Variants in TMEM181 observed in about 807,000 individuals in gnomAD.
TMEM181 encodes transmembrane protein 181, also known as G protein-coupled receptor 178.
Under a neutral mutation model 71.9 loss-of-function variants are expected in TMEM181, and 39 were observed. That is an observed-to-expected ratio of 0.54 (90% CI 0.42 to 0.71). TMEM181 has a LOEUF of 0.71. Ranked by LOEUF, TMEM181 falls within the 30% of genes least tolerant of loss-of-function variation. The pLI, the probability that TMEM181 is intolerant of heterozygous loss-of-function variation, is 0.00. For synonymous variants in TMEM181, 245 were observed against 228.8 expected, an observed-to-expected ratio of 1.07 and a Z score of -0.64; for missense variants, 595 against 583.0, an observed-to-expected ratio of 1.02 and a Z score of -0.21.
chr6:158,613,451 A>G (rs1388089557), intron 10 of TMEM181, among the ~76,000 whole-genome samples: 3 of 152,238 alleles, frequency 2.0e-5, no homozygotes, highest in Admixed American at 1.3e-4. Context: ...AAACCCAGCC[A>G]TGGATTTGTA....
At chr6:158,601,876 C>A (rs1430434289) in intron 6 of TMEM181, among the ~76,000 whole-genome samples, 1 of 152,106 alleles carries the variant, frequency 6.6e-6, no homozygotes, top group Non-Finnish European at 1.5e-5. Context: ...ATTTGCCCAA[C>A]TATTAATGGC....
intron 3 of TMEM181, 99 bp from the exon 4 acceptor site, chr6:158,583,855 C>T (rs897998584): frequency 6.4e-6 from 5 of 776,342 alleles, no homozygotes; most frequent in African/African-American, 3.5e-5. Context: ...AACACTGAAG[C>T]CTTTATTGCT....
At chr6:158,571,538 TC>T (rs1392492699) in intron 1 of TMEM181, among the ~76,000 whole-genome samples, 1 of 150,390 alleles carries the variant, frequency 6.6e-6, no homozygotes, top group Non-Finnish European at 1.5e-5. Flanking sequence ...GACCTCGTGA[TC>T]CGCCCGCCTT....
Position 158,608,621 on chromosome 6 carries a change from TTTTC to T in TMEM181, c.805-34_805-31del, listed in dbSNP as rs753853960. 7 of 1,598,878 alleles carry T rather than the reference TTTTC, an allele frequency of 4.4e-6. No individual in the cohort carries two copies. The African/African-American group carries it at 5.4e-5, about 12-fold the overall frequency. ...ACGTTATGTACAATTACCAATTTGGTTTTCTTTATTTCTTACTTCTTATTTTTTT... is the reference window on the plus strand; with the variant it reads ...ACGTTATGTACAATTACCAATTTGGTTTTATTTCTTACTTCTTATTTTTTT... On this transcript the variant is annotated intron_variant, in intron 9 of 16. Coordinates refer to ENST00000684151, the MANE Select transcript of TMEM181 (RefSeq NM_001376852.1).
chr6:158,588,000 C>T (rs946612581), intron 5 of TMEM181, among the ~76,000 whole-genome samples: 9 of 152,182 alleles, frequency 5.9e-5, no homozygotes, highest in African/African-American at 9.7e-5. Context: ...TCCTGTGACC[C>T]GACTGCCAGA....
chr6:158,587,694 C>G (rs1554307568), intron 5 of TMEM181, among the ~76,000 whole-genome samples: 1 of 151,578 alleles, frequency 6.6e-6, no homozygotes, highest in Non-Finnish European at 1.5e-5. Context: ...CAAGGCTTTC[C>G]ACGCCTTGCA....
chr6:158,600,767 G>A (rs920266553), intron 6 of TMEM181, among the ~76,000 whole-genome samples: 1 of 152,052 alleles, frequency 6.6e-6, no homozygotes, highest in Non-Finnish European at 1.5e-5. Context: ...CACCGCACCC[G>A]GCCCTAGTGG....
At chr6:158,622,273 C>G (rs1485855865) in intron 10 of TMEM181, among the ~76,000 whole-genome samples, 2 of 152,130 alleles carry the variant, frequency 1.3e-5, no homozygotes, top group Non-Finnish European at 2.9e-5. Flanking sequence ...GACGTGCTCT[C>G]TCTTTTTCAA....
chr6:158,580,687 A>G (rs1456512226), intron 2 of TMEM181, among the ~76,000 whole-genome samples: 1 of 150,670 alleles, frequency 6.6e-6, no homozygotes. Context: ...TCCTGTGGAA[A>G]CCCTCTGTGT....
Position 158,587,850 on chromosome 6 carries a change from T to C in TMEM181, c.382-1822T>C, listed in dbSNP as rs571608832. On this transcript the variant is annotated intron_variant, in intron 5 of 16. Transcript: ENST00000684151. ...TATGCAGCCTGAGATACAGCTCTTT[T>C]GTTAATTAAAACATCCCTGAAAAGT... Among the ~76,000 whole-genome samples the C allele has an allele frequency of 3.9e-5, 6 of 152,320 alleles. No homozygotes were observed. In the South Asian group the frequency reaches 1.2e-3, roughly 32 times the overall value.
intron 1 of TMEM181, among the ~76,000 whole-genome samples, chr6:158,546,490 A>G (rs1781530098): frequency 6.6e-6 from 1 of 152,222 alleles, no homozygotes; most frequent in Admixed American, 6.5e-5. Flanking sequence ...AACCCCAGGA[A>G]GGAGCTGGAG....
At chr6:158,566,507 AGGAGATGATGGTGAGGAGTTGAG>A (rs1782505380) in intron 1 of TMEM181, among the ~76,000 whole-genome samples, 1 of 85,894 alleles carries the variant, frequency 1.2e-5, no homozygotes, top group African/African-American at 4.7e-5. Context: ...GATGGGGTGA[AGGAGATGATGGTGAGGAGTTGAG>A]GGAGGTGATG....
intron 1 of TMEM181, among the ~76,000 whole-genome samples, chr6:158,562,123 C>A (rs1782214316): frequency 6.6e-6 from 1 of 152,212 alleles, no homozygotes; most frequent in South Asian, 2.1e-4. Flanking sequence ...CGTCCCCCTG[C>A]AGACCCTGGC....
At chr6:158,553,704 T>G (rs1354089763) in intron 1 of TMEM181, among the ~76,000 whole-genome samples, 3 of 152,174 alleles carry the variant, frequency 2.0e-5, no homozygotes, top group Admixed American at 6.5e-5. Context: ...TGTGCAGACA[T>G]TTTTATTTTT....
chr6:158,537,766 G>C (rs1781179956), intron 1 of TMEM181, among the ~76,000 whole-genome samples: 1 of 152,170 alleles, frequency 6.6e-6, no homozygotes, highest in Non-Finnish European at 1.5e-5. Context: ...GCTAAGGATG[G>C]CGAGGGTGTC....
At chr6:158,549,832 C>T (rs1781661758) in intron 1 of TMEM181, among the ~76,000 whole-genome samples, 2 of 151,872 alleles carry the variant, frequency 1.3e-5, no homozygotes, top group Admixed American at 1.3e-4. Context: ...AAGGTGGTGA[C>T]GGCCTTTATG....
intron 6 of TMEM181, among the ~76,000 whole-genome samples, chr6:158,600,086 AGCGTGCTCTCAGCTCACAT>A (rs1784586822): frequency 6.6e-6 from 1 of 152,198 alleles, no homozygotes; most frequent in Non-Finnish European, 1.5e-5. Flanking sequence ...GCTGGACCAA[AGCGTGCTCTCAGCTCACAT>A]TTTAGAACTA....
At chr6:158,537,157 C>T (rs893569674) in intron 1 of TMEM181, among the ~76,000 whole-genome samples, 1 of 151,998 alleles carries the variant, frequency 6.6e-6, no homozygotes, top group South Asian at 2.1e-4. Flanking sequence ...CCGAGGCTCC[C>T]GCCTCCCCGG....
intron 10 of TMEM181, among the ~76,000 whole-genome samples, chr6:158,621,222 C>T (rs889560450): frequency 6.6e-6 from 1 of 152,216 alleles, no homozygotes; most frequent in Non-Finnish European, 1.5e-5. Context: ...AGACTTTCCC[C>T]TCTCTGTCTG....
Sources: gnomAD v4.1 joint callset for allele counts (sites outside exome capture counted in the v4.1 genomes callset) on GRCh38, gnomAD v4.1.1 for gene constraint, MANE v1.5 for transcripts, NCBI Gene and HGNC (gene_info 2026-07-23, HGNC 2026-07-21) for gene names.